NBEA: variants seen among roughly 807,000 people sequenced by gnomAD.
NBEA encodes neurobeachin.
In NBEA, 44 loss-of-function variants were observed where a neutral mutation model predicts 343.4. The ratio of observed to expected loss-of-function variants is 0.13; its 90% CI spans 0.10 to 0.16. The LOEUF is 0.16. NBEA is among the 10% of genes least tolerant of loss of function. NBEA has a pLI of 1.00. For missense variants in NBEA, 2,555 were observed against 3,631.3 expected, an observed-to-expected ratio of 0.70 and a Z score of 7.62; for synonymous variants, 1,175 against 1,238.7, an observed-to-expected ratio of 0.95 and a Z score of 1.08.
chr13:35,232,642 A>G (rs2075036288), intron 34 of NBEA, 23 bp downstream of exon 34: 3 of 1,436,726 alleles, frequency 2.1e-6, no homozygotes, highest in Non-Finnish European at 9.3e-7. Flanking sequence ...TATTATAATT[A>G]TTTTAGTTTC....
chr13:35,313,272 A>G (rs887513838), intron 36 of NBEA, among the ~76,000 whole-genome samples: 1 of 152,244 alleles, frequency 6.6e-6, no homozygotes, highest in Admixed American at 6.5e-5. Flanking sequence ...ATCATCTCAA[A>G]TGATCTGCTC....
intron 50 of NBEA, 22 bp from the exon 51 acceptor site, chr13:35,646,224 TATTGATTATGACA>T: frequency 6.8e-7 from 1 of 1,475,280 alleles, no homozygotes; most frequent in Non-Finnish European, 9.5e-7. Context: ...CTTTGATGCA[TATTGATTATGACA>T]ATCACCCTCC....
intron 8 of NBEA, among the ~76,000 whole-genome samples, chr13:35,063,526 C>CA: frequency 6.6e-6 from 1 of 152,062 alleles, no homozygotes; most frequent in Middle Eastern, 3.4e-3. Context: ...GTGACTGTTA[C>CA]AGAAGGAGCA....
intron 38 of NBEA, among the ~76,000 whole-genome samples, chr13:35,380,626 T>A (rs2041968249): frequency 1.3e-5 from 2 of 152,166 alleles, no homozygotes; most frequent in African/African-American, 4.8e-5. Flanking sequence ...GCATATACTT[T>A]TATCTAATAA....
chr13:35,000,733 T>A (rs574141193), intron 1 of NBEA, among the ~76,000 whole-genome samples: 1 of 152,034 alleles, frequency 6.6e-6, no homozygotes, highest in African/African-American at 2.4e-5. Flanking sequence ...AGTGGAAAAT[T>A]TTGCTTTATC....
rs1566076174 is a variant in NBEA at position 35,399,476 on chromosome 13, G to T, written c.6180-32793G>T. ...TTCCAAACACTTATAAAACCATCAG[G>T]TTTCATGAGAACTCACTTGCTGTCA... On this transcript the variant is annotated intron_variant, in intron 38 of 58. Transcript: ENST00000379939. 2.6e-5 allele frequency among the ~76,000 whole-genome samples: 4 copies of T among 151,984 alleles called. No homozygotes were observed. In the South Asian group the frequency reaches 6.2e-4, roughly 24 times the overall value.
At chr13:35,592,155 G>A (rs921101822) in intron 46 of NBEA, among the ~76,000 whole-genome samples, 1 of 152,080 alleles carries the variant, frequency 6.6e-6, no homozygotes, top group African/African-American at 2.4e-5. Flanking sequence ...TTAGGACATT[G>A]CAATAAAGTT....
At chr13:35,450,538 G>A (rs1013312688) in intron 39 of NBEA, among the ~76,000 whole-genome samples, 12 of 152,126 alleles carry the variant, frequency 7.9e-5, no homozygotes, top group African/African-American at 2.9e-4. Flanking sequence ...GTAATGGACT[G>A]TTGGAAGTTC....
chr13:35,541,419 A>G (rs2078817967), intron 41 of NBEA, among the ~76,000 whole-genome samples: 1 of 152,094 alleles, frequency 6.6e-6, no homozygotes, highest in South Asian at 2.1e-4. Context: ...GAAAAATAAA[A>G]TTGATAAACC....
chr13:35,510,207 G>A (rs1248910992), intron 41 of NBEA, among the ~76,000 whole-genome samples: 2 of 152,140 alleles, frequency 1.3e-5, no homozygotes, highest in Non-Finnish European at 2.9e-5. Flanking sequence ...GAACTTGTGT[G>A]TTTCCATGGC....
intron 27 of NBEA, 107 bp downstream of exon 27, chr13:35,173,701 A>C (rs1286894346): frequency 9.2e-7 from 1 of 1,081,120 alleles, no homozygotes; most frequent in African/African-American, 1.6e-5. Flanking sequence ...GAGAGCAAGG[A>C]CATTGTCATT....
At chr13:35,027,324 AC>A (rs1334786334) in intron 1 of NBEA, among the ~76,000 whole-genome samples, 1 of 151,940 alleles carries the variant, frequency 6.6e-6, no homozygotes, top group Non-Finnish European at 1.5e-5. Flanking sequence ...ATACTGCCAA[AC>A]TATTTTCAGA....
intron 17 of NBEA, among the ~76,000 whole-genome samples, chr13:35,126,121 G>A (rs1054359131): frequency 1.3e-5 from 2 of 152,160 alleles, no homozygotes; most frequent in Admixed American, 1.3e-4. Context: ...TTGGATCATG[G>A]GGGCAGTTCC....
intron 34 of NBEA, among the ~76,000 whole-genome samples, chr13:35,281,772 G>A (rs2035069314): frequency 6.6e-6 from 1 of 152,028 alleles, no homozygotes; most frequent in Non-Finnish European, 1.5e-5. Context: ...ATTTAAATTT[G>A]TGAACTTGTA....
chr13:35,239,489 A>C (rs1183319038), intron 34 of NBEA, among the ~76,000 whole-genome samples: 5 of 152,106 alleles, frequency 3.3e-5, no homozygotes, highest in African/African-American at 1.2e-4. Flanking sequence ...ATGTTGGATA[A>C]AGCTGCTTGG....
At chr13:35,427,161 T>G (rs2044740508) in intron 38 of NBEA, among the ~76,000 whole-genome samples, 1 of 152,238 alleles carries the variant, frequency 6.6e-6, no homozygotes, top group African/African-American at 2.4e-5. Flanking sequence ...TCCAGCTTTG[T>G]TCCGTTGCTG....
intron 35 of NBEA, among the ~76,000 whole-genome samples, chr13:35,299,750 A>G (rs1414598845): frequency 1.3e-5 from 2 of 152,224 alleles, no homozygotes. Flanking sequence ...TCAAATGGCA[A>G]AAAATTCTGG....
intron 34 of NBEA, among the ~76,000 whole-genome samples, chr13:35,261,740 C>T (rs1169982623): frequency 1.3e-5 from 2 of 151,908 alleles, no homozygotes; most frequent in African/African-American, 2.4e-5. Flanking sequence ...AAATGGAGAC[C>T]AGAGCCATAG....
chr13:35,096,727 T>C (rs1190717704), intron 10 of NBEA, among the ~76,000 whole-genome samples: 1 of 151,890 alleles, frequency 6.6e-6, no homozygotes, highest in African/African-American at 2.4e-5. Flanking sequence ...TCTTTATTCT[T>C]TTTAAATATC....
Sources: allele counts gnomAD v4.1 joint callset (sites outside exome capture counted in the v4.1 genomes callset), GRCh38; gene constraint gnomAD v4.1.1; transcripts MANE v1.5; gene names NCBI Gene and HGNC (gene_info 2026-07-23, HGNC 2026-07-21).